The following CSMD1 variants were observed in gnomAD, a reference collection of about 807,000 sequenced individuals.
CSMD1 encodes CUB and Sushi multiple domains 1, also known as CUB and sushi domain-containing protein 1.
Under a neutral mutation model 417.5 loss-of-function variants are expected in CSMD1, and 213 were observed. The ratio of observed to expected loss-of-function variants is 0.51; its 90% CI spans 0.46 to 0.57. The LOEUF (loss-of-function observed/expected upper bound fraction) is 0.57, where lower values mean the gene tolerates loss of function less well. Ranked by LOEUF, CSMD1 falls within the 20% of genes least tolerant of loss-of-function variation. The pLI is 0.00. For synonymous variants in CSMD1, 2,862 were observed against 1,736.8 expected (o/e 1.65, Z -16.11); for missense variants, 6,923 against 4,529.7 (o/e 1.53, Z -15.17).
intron 41 of CSMD1, among the ~76,000 whole-genome samples, chr8:3,121,252 G>C (rs1817187827): frequency 6.6e-6 from 1 of 152,130 alleles, no homozygotes; most frequent in Non-Finnish European, 1.5e-5. Context: ...CCTGACTATA[G>C]TCAGCAGGTT....
chr8:4,826,169 AGAGAC>A (rs1799814166), intron 1 of CSMD1, among the ~76,000 whole-genome samples: 6 of 152,148 alleles, frequency 3.9e-5, no homozygotes, highest in Admixed American at 2.6e-4. Context: ...AGGATCTTGT[AGAGAC>A]ATGAGTACCC....
intron 3 of CSMD1, among the ~76,000 whole-genome samples, chr8:4,153,230 C>G (rs1376430773): frequency 7.9e-5 from 12 of 152,198 alleles, no homozygotes; most frequent in Admixed American, 7.2e-4. Flanking sequence ...CCAAGGGGAG[C>G]TGGAGAGTAT....
Position 3,284,215 on chromosome 8 carries a change from A to T in CSMD1, c.4082T>A (p.Phe1361Tyr). 2 of 1,611,298 alleles carry T rather than the reference A, an allele frequency of 1.2e-6. No homozygotes were observed. Among genetic ancestry groups the T allele is most frequent in the South Asian group, 1.1e-5 (1 of 90,434 alleles). The change falls in exon 26 of 70, where the codon TTC becomes TAC. Residue 1361 changes from phenylalanine (F) to tyrosine (Y), a missense_variant. Phe to Tyr is a conservative substitution (Grantham distance 22). Transcript: ENST00000635120. ...SALPEDIHST[F>Y]NSLTLQFDSD... is the part of the protein sequence containing the mutation. ...GTCGAACTGCAGGGTGAGTGAGTTG[A>T]AGGTGCTGTGGATGTCCTCCGGAAG...
At chr8:4,305,823 C>T (rs1798211964) in intron 3 of CSMD1, among the ~76,000 whole-genome samples, 1 of 152,176 alleles carries the variant, frequency 6.6e-6, no homozygotes, top group African/African-American at 2.4e-5. Flanking sequence ...AACAACCTCT[C>T]ATACTGTAAC....
chr8:4,189,130 A>T (rs1798865143), intron 3 of CSMD1, among the ~76,000 whole-genome samples: 1 of 152,242 alleles, frequency 6.6e-6, no homozygotes, highest in African/African-American at 2.4e-5. Flanking sequence ...ATGCCCTGTA[A>T]ACCAAGTTTG....
At chr8:4,874,593 G>A (rs574991534) in intron 1 of CSMD1, among the ~76,000 whole-genome samples, 4 of 151,814 alleles carry the variant, frequency 2.6e-5, no homozygotes, top group East Asian at 1.9e-4. Context: ...GTTTCACTAT[G>A]TTGGCCAGGC....
At chr8:4,490,024 G>A (rs74369783) in intron 2 of CSMD1, among the ~76,000 whole-genome samples, 8 of 148,036 alleles carry the variant, frequency 5.4e-5, no homozygotes, top group Admixed American at 1.4e-4. Context: ...GTCAATTTAC[G>A]ATACTCAGGT....
chr8:3,933,285 A>G (rs1810278003), intron 5 of CSMD1, among the ~76,000 whole-genome samples: 1 of 152,174 alleles, frequency 6.6e-6, no homozygotes, highest in Admixed American at 6.5e-5. Context: ...ATTTTGCTTT[A>G]TTCACTTTAA....
chr8:4,816,438 G>C (rs1452412372), intron 1 of CSMD1, among the ~76,000 whole-genome samples: 1 of 152,054 alleles, frequency 6.6e-6, no homozygotes, highest in Non-Finnish European at 1.5e-5. Context: ...ATGTTGGCCA[G>C]GCTCGTCCCA....
intron 2 of CSMD1, among the ~76,000 whole-genome samples, chr8:4,429,658 C>G (rs749357895): frequency 6.6e-6 from 1 of 152,118 alleles, no homozygotes; most frequent in Non-Finnish European, 1.5e-5. Flanking sequence ...GCCCTTCATG[C>G]TGGGTACCCC....
chr8:4,296,396 G>A (rs1475342624), intron 3 of CSMD1, among the ~76,000 whole-genome samples: 2 of 152,124 alleles, frequency 1.3e-5, no homozygotes, highest in Non-Finnish European at 2.9e-5. Context: ...ACATAATAAT[G>A]ATTTAAAATA....
At chr8:4,253,899 C>T (rs190366059) in intron 3 of CSMD1, among the ~76,000 whole-genome samples, 6 of 137,664 alleles carry the variant, frequency 4.4e-5, no homozygotes, top group Non-Finnish European at 9.4e-5. Flanking sequence ...TTCGTTATTT[C>T]CTTCCATCTT....
At chr8:3,679,094 G>C (rs765993370) in intron 7 of CSMD1, among the ~76,000 whole-genome samples, 1 of 152,090 alleles carries the variant, frequency 6.6e-6, no homozygotes, top group Non-Finnish European at 1.5e-5. Flanking sequence ...AAATTGTAAA[G>C]ACCATCGAGG....
chr8:3,182,670 A>T (rs1252580702), intron 36 of CSMD1, among the ~76,000 whole-genome samples: 1 of 21,292 alleles, frequency 4.7e-5, no homozygotes, highest in Non-Finnish European at 8.9e-5. Flanking sequence ...GCTGTCTATA[A>T]GAAGCTGTGT....
chr8:4,848,005 A>G (rs1801244617), intron 1 of CSMD1, among the ~76,000 whole-genome samples: 1 of 152,046 alleles, frequency 6.6e-6, no homozygotes, highest in South Asian at 2.1e-4. Context: ...GGCCCGAACA[A>G]CAACTCGTCT....
At chr8:3,852,987 G>C (rs1010343993) in intron 5 of CSMD1, among the ~76,000 whole-genome samples, 3 of 152,082 alleles carry the variant, frequency 2.0e-5, no homozygotes, top group Non-Finnish European at 2.9e-5. Flanking sequence ...CCCCAAGAGT[G>C]TTCTTGACTT....
rs878888042 is a variant in CSMD1, at chr8:3,971,132, C to T, written c.818+26771G>A. On this transcript the variant is annotated intron_variant, in intron 5 of 69. Transcript: ENST00000635120. Reference sequence around the variant, plus strand: ...GATCCAACATGGTGCTGAAATCACACGGTGTTAAATATTCTATTTACGCTG... The same window carrying T: ...GATCCAACATGGTGCTGAAATCACATGGTGTTAAATATTCTATTTACGCTG... 6.6e-5 allele frequency among the ~76,000 whole-genome samples: 10 copies of T among 151,658 alleles called. No individual in the cohort carries two copies. The South Asian group carries it at 1.5e-3, about 22-fold the overall frequency.
intron 1 of CSMD1, among the ~76,000 whole-genome samples, chr8:4,649,191 C>A (rs1803726979): frequency 6.6e-6 from 1 of 152,170 alleles, no homozygotes; most frequent in Admixed American, 6.5e-5. Flanking sequence ...TTATTATAAT[C>A]TACTGACTGC....
intron 5 of CSMD1, among the ~76,000 whole-genome samples, chr8:3,886,455 A>T (rs1806569440): frequency 6.6e-6 from 1 of 152,234 alleles, no homozygotes; most frequent in African/African-American, 2.4e-5. Context: ...ACAAGGCCAG[A>T]TAATAAATAT....
Sources: allele counts gnomAD v4.1 joint callset (sites outside exome capture counted in the v4.1 genomes callset), GRCh38; gene constraint gnomAD v4.1.1; transcripts MANE v1.5; gene names NCBI Gene and HGNC (gene_info 2026-07-23, HGNC 2026-07-21).